The following WWOX variants were observed in gnomAD, a reference collection of about 807,000 sequenced individuals.
WWOX encodes the protein WW domain containing oxidoreductase.
A neutral mutation model predicts 46.2 loss-of-function variants in WWOX; 69 were observed. The observed-to-expected ratio is 1.49, with a 90% confidence interval of 1.23 to 1.82. WWOX has a LOEUF of 1.82. WWOX is among the 40% of genes most tolerant of loss of function. WWOX has a pLI of 0.00. For missense variants in WWOX, 919 were observed against 542.6 expected, an observed-to-expected ratio of 1.69 and a Z score of -6.89; for synonymous variants, 359 against 202.6, an observed-to-expected ratio of 1.77 and a Z score of -6.56.
chr16:79,108,247 A>G (rs1488899818), intron 8 of WWOX, among the ~76,000 whole-genome samples: 3 of 152,242 alleles, frequency 2.0e-5, no homozygotes, highest in Non-Finnish European at 4.4e-5. Flanking sequence ...CTTACAAGCA[A>G]GACTATATCC....
chr16:79,045,989 A>G (rs1462563309), intron 8 of WWOX, among the ~76,000 whole-genome samples: 1 of 150,856 alleles, frequency 6.6e-6, no homozygotes, highest in Non-Finnish European at 1.5e-5. Context: ...TTTAGTAGAG[A>G]CGGGCTTTCA....
intron 8 of WWOX, among the ~76,000 whole-genome samples, chr16:79,160,063 C>G (rs1597432333): frequency 6.6e-6 from 1 of 152,208 alleles, no homozygotes; most frequent in Non-Finnish European, 1.5e-5. Context: ...CTCTGTGAAT[C>G]TGTTCCCATT....
At chr16:78,903,820 A>T (rs562131347) in intron 8 of WWOX, among the ~76,000 whole-genome samples, 8 of 152,326 alleles carry the variant, frequency 5.3e-5, no homozygotes, top group African/African-American at 1.9e-4. Context: ...GTCCATTTAT[A>T]ACATAATTCA....
intron 8 of WWOX, among the ~76,000 whole-genome samples, chr16:79,210,961 G>C (rs1322326700): frequency 6.6e-6 from 1 of 152,040 alleles, no homozygotes; most frequent in Admixed American, 6.6e-5. Flanking sequence ...ATGACATTTA[G>C]AAAAAGGTTT....
At chr16:78,524,661 C>T (rs2151503165) in intron 8 of WWOX, among the ~76,000 whole-genome samples, 1 of 151,854 alleles carries the variant, frequency 6.6e-6, no homozygotes, top group Non-Finnish European at 1.5e-5. Flanking sequence ...CCTCGTGATC[C>T]ACCCGCCTCA....
chr16:78,384,985 T>C (rs900590571), intron 5 of WWOX, among the ~76,000 whole-genome samples: 1 of 151,866 alleles, frequency 6.6e-6, no homozygotes, highest in Non-Finnish European at 1.5e-5. Flanking sequence ...AATACAAAAA[T>C]AAGCTGGGTG....
intron 8 of WWOX, among the ~76,000 whole-genome samples, chr16:79,029,562 C>G (rs775100308): frequency 6.6e-6 from 1 of 152,124 alleles, no homozygotes; most frequent in South Asian, 2.1e-4. Flanking sequence ...AAAATGAAGT[C>G]TATAAAAACT....
At chr16:79,106,046 T>C (rs2049301737) in intron 8 of WWOX, 1 of 152,208 alleles carries the variant, frequency 6.6e-6, no homozygotes, top group Admixed American at 6.5e-5. Context: ...CATTATATGC[T>C]TTTCAGTAAT....
In WWOX at chr16:79,019,180, A is replaced by AAG. The variant is rs1567489936; in HGVS notation, c.1057-192427_1057-192426insGA. 6.5e-4 allele frequency among the ~76,000 whole-genome samples: 21 copies of AAG among 32,132 alleles called. 1 individual carries two copies. The highest frequency in any genetic ancestry group is 1.7e-3 in the African/African-American group (15 of 8,896). The allele number at this position is 32,132 out of a possible 152,430, so 21.1% of individuals were successfully genotyped here. A position where few individuals can be genotyped will look rare whatever the true frequency, so the allele number is the denominator to read the frequency against. ...CTCAAAAAAAAAAAAAAAAAAAAAA[A>AAG]AAAAAGAAAAAAAAAAGTTGGAATG... is the stretch of plus-strand genomic sequence containing the variant. On this transcript the variant is annotated intron_variant, in intron 8 of 8. Transcript: ENST00000566780.
intron 8 of WWOX, among the ~76,000 whole-genome samples, chr16:79,119,606 G>T (rs2049586679): frequency 6.6e-6 from 1 of 152,214 alleles, no homozygotes; most frequent in Non-Finnish European, 1.5e-5. Flanking sequence ...CTAAGGCATG[G>T]ATTCAATAAT....
At chr16:78,293,519 T>G (rs560693320) in intron 5 of WWOX, among the ~76,000 whole-genome samples, 1 of 152,128 alleles carries the variant, frequency 6.6e-6, no homozygotes, top group African/African-American at 2.4e-5. Context: ...TCACTTGTCT[T>G]CTCCTCTGAG....
intron 5 of WWOX, among the ~76,000 whole-genome samples, chr16:78,312,224 C>G (rs1397675769): frequency 6.6e-6 from 1 of 151,656 alleles, no homozygotes; most frequent in African/African-American, 2.4e-5. Flanking sequence ...TTCATATAAC[C>G]TGGCGTAGTC....
chr16:78,443,493 CAAAG>C (rs1265275298), intron 8 of WWOX, among the ~76,000 whole-genome samples: 5 of 152,142 alleles, frequency 3.3e-5, no homozygotes, highest in African/African-American at 1.2e-4. Flanking sequence ...TTGTTAAAAA[CAAAG>C]AGAGGGAAAC....
chr16:78,400,295 G>C (rs958275982), intron 6 of WWOX, among the ~76,000 whole-genome samples: 13 of 152,154 alleles, frequency 8.5e-5, no homozygotes, highest in African/African-American at 2.9e-4. Context: ...CACAGCTTTG[G>C]GAAATGGGTC....
At chr16:79,041,583 G>A (rs1389520529) in intron 8 of WWOX, among the ~76,000 whole-genome samples, 1 of 152,112 alleles carries the variant, frequency 6.6e-6, no homozygotes, top group African/African-American at 2.4e-5. Context: ...GAATAAGTCT[G>A]GTTGGCCTCT....
At chr16:78,223,374 C>A (rs895517085) in intron 5 of WWOX, among the ~76,000 whole-genome samples, 1 of 152,140 alleles carries the variant, frequency 6.6e-6, no homozygotes, top group Admixed American at 6.6e-5. Flanking sequence ...GGCTGAGAAA[C>A]CCTGCACTTG....
At chr16:78,803,059 A>G (rs954468894) in intron 8 of WWOX, among the ~76,000 whole-genome samples, 3 of 151,280 alleles carry the variant, frequency 2.0e-5, no homozygotes, top group Admixed American at 2.0e-4. Flanking sequence ...AAGAGTATCT[A>G]GTAGGTGCTT....
At chr16:78,959,780 G>A (rs140163086) in intron 8 of WWOX, among the ~76,000 whole-genome samples, 1 of 152,242 alleles carries the variant, frequency 6.6e-6, no homozygotes, top group African/African-American at 2.4e-5. Context: ...GACAAGTGAG[G>A]GAAAGATGTC....
intron 5 of WWOX, chr16:78,166,845 C>G (rs1022386809): frequency 9.2e-5 from 14 of 152,482 alleles, no homozygotes; most frequent in Admixed American, 2.6e-4. Context: ...GCATGAGCCA[C>G]CGTGCCCGAC....
Sources: gnomAD v4.1 joint callset for allele counts (sites outside exome capture counted in the v4.1 genomes callset) on GRCh38, gnomAD v4.1.1 for gene constraint, MANE v1.5 for transcripts, NCBI Gene and HGNC (gene_info 2026-07-23, HGNC 2026-07-21) for gene names.